Variants in NXPE2 observed in about 807,000 individuals in gnomAD.
The protein encoded by NXPE2 is neurexophilin and PC-esterase domain family member 2.
Under a neutral mutation model 34.4 loss-of-function variants are expected in NXPE2, and 34 were observed. The ratio of observed to expected loss-of-function variants is 0.99; its 90% confidence interval spans 0.75 to 1.31. The LOEUF (loss-of-function observed/expected upper bound fraction) is 1.31, where lower values mean the gene tolerates loss of function less well. Among genes scored for constraint, NXPE2 ranks in the 40% most tolerant of loss-of-function variants. The probability of loss-of-function intolerance (pLI) is 0.00; values close to 1 mark genes in which losing one functional copy is unlikely to be tolerated. For missense variants in NXPE2, 649 were observed against 672.5 expected (o/e 0.97, Z 0.39); for synonymous variants, 235 against 231.3 (o/e 1.02, Z -0.15).
At chr11:114,646,567 T>C in the NXPE2 span, among the ~76,000 whole-genome samples, 1 of 152,002 alleles carries the variant, frequency 6.6e-6, no homozygotes. Context: ...AAGTCAAATA[T>C]AGTTGCTATT....
intron 2 of NXPE2, among the ~76,000 whole-genome samples, chr11:114,684,478 G>A (rs1951007751): frequency 6.6e-6 from 1 of 152,096 alleles, no homozygotes. Context: ...GAATACAAAT[G>A]GCAGCTGAAG....
chr11:114,535,515 A>T, the NXPE2 span, among the ~76,000 whole-genome samples: 2 of 152,312 alleles, frequency 1.3e-5, no homozygotes, highest in South Asian at 4.1e-4. Flanking sequence ...AAGACCCATC[A>T]GTGTGCTGTA....
chr11:114,608,681 C>T, the NXPE2 span, among the ~76,000 whole-genome samples: 1 of 151,852 alleles, frequency 6.6e-6, no homozygotes, highest in Non-Finnish European at 1.5e-5. Flanking sequence ...ATAAGCATTG[C>T]CTCCCAGGTA....
chr11:114,472,461 A>G, the NXPE2 span, among the ~76,000 whole-genome samples: 1 of 152,224 alleles, frequency 6.6e-6, no homozygotes, highest in Non-Finnish European at 1.5e-5. Flanking sequence ...GTCCCATTCA[A>G]AGCCATCCTG....
At chr11:114,548,321 A>C in the NXPE2 span, among the ~76,000 whole-genome samples, 1 of 152,128 alleles carries the variant, frequency 6.6e-6, no homozygotes, top group African/African-American at 2.4e-5. Context: ...ATAAAGACAG[A>C]TCGTGTAGAT....
the NXPE2 span, among the ~76,000 whole-genome samples, chr11:114,778,339 C>T: frequency 3.3e-5 from 5 of 152,094 alleles, no homozygotes; most frequent in African/African-American, 1.2e-4. Flanking sequence ...GTAGTCCTTG[C>T]TAAGGAATCT....
chr11:114,487,803 A>T, the NXPE2 span, among the ~76,000 whole-genome samples: 1 of 150,446 alleles, frequency 6.6e-6, no homozygotes, highest in Non-Finnish European at 1.5e-5. Flanking sequence ...GATATGATAT[A>T]TCACATTGAT....
the NXPE2 span, among the ~76,000 whole-genome samples, chr11:114,806,626 C>T: frequency 1.4e-4 from 21 of 151,904 alleles, no homozygotes; most frequent in African/African-American, 4.4e-4. Flanking sequence ...TGAAATGAAG[C>T]GAGAAGAGAA....
the NXPE2 span, among the ~76,000 whole-genome samples, chr11:114,722,187 G>A: frequency 8.5e-5 from 13 of 152,142 alleles, no homozygotes; most frequent in Non-Finnish European, 1.9e-4. Context: ...TATCAAGGGA[G>A]GGACCTGATG....
At chr11:114,810,780 C>T in the NXPE2 span, among the ~76,000 whole-genome samples, 61 of 152,116 alleles carry the variant, frequency 4.0e-4, no homozygotes, top group African/African-American at 1.2e-3. Context: ...GTCAGTGTGG[C>T]GATTCCTCAG....
the NXPE2 span, among the ~76,000 whole-genome samples, chr11:114,562,963 A>G: frequency 6.6e-6 from 1 of 152,120 alleles, no homozygotes; most frequent in African/African-American, 2.4e-5. Context: ...TCTTTTCAGA[A>G]TTTATATTAA....
chr11:114,706,437 C>G lies in NXPE2; in HGVS notation c.1187C>G (p.Thr396Arg). The G allele has an allele frequency of 6.4e-7, 1 of 1,550,734 alleles. No homozygotes were observed. Among genetic ancestry groups the G allele is most frequent in the South Asian group, 1.2e-5 (1 of 83,908 alleles). Residue 396 changes from threonine (T) to arginine (R), a missense_variant, in exon 6 of 6, where the codon ACA becomes AGA. Coordinates refer to ENST00000389586, the MANE Select transcript of NXPE2 (RefSeq NM_182495.6). ...FDHHGAGIFK[T>R]HVLLDVERHI... The stretch of plus-strand genomic sequence containing the variant: ...CATCATGGAGCTGGGATCTTTAAAA[C>G]ACATGTTCTTCTGGATGTTGAAAGA...
the NXPE2 span, among the ~76,000 whole-genome samples, chr11:114,588,423 A>G: frequency 5.9e-5 from 9 of 152,196 alleles, no homozygotes; most frequent in Non-Finnish European, 1.3e-4. Flanking sequence ...CTAACCTCTC[A>G]TGGAGGGATG....
the NXPE2 span, among the ~76,000 whole-genome samples, chr11:114,784,920 G>T: frequency 6.6e-6 from 1 of 152,104 alleles, no homozygotes; most frequent in Non-Finnish European, 1.5e-5. Flanking sequence ...ATTGAAACCT[G>T]CAGTGAAAGT....
the NXPE2 span, among the ~76,000 whole-genome samples, chr11:114,772,293 A>T: frequency 2.6e-5 from 4 of 152,170 alleles, no homozygotes; most frequent in Admixed American, 2.6e-4. Context: ...TAATTAACAC[A>T]TTCGTGGTAA....
chr11:114,532,836 T>C, the NXPE2 span, among the ~76,000 whole-genome samples: 2 of 152,178 alleles, frequency 1.3e-5, no homozygotes, highest in Non-Finnish European at 2.9e-5. Flanking sequence ...AAAATGGTTC[T>C]AGAGTGAAAA....
the NXPE2 span, among the ~76,000 whole-genome samples, chr11:114,809,282 A>G: frequency 6.6e-6 from 1 of 152,010 alleles, no homozygotes; most frequent in South Asian, 2.1e-4. Flanking sequence ...GAAAACTGGC[A>G]CAAGACAGGG....
chr11:114,776,770 G>T, the NXPE2 span, among the ~76,000 whole-genome samples: 1 of 152,140 alleles, frequency 6.6e-6, no homozygotes, highest in Non-Finnish European at 1.5e-5. Flanking sequence ...TAGTATGTCT[G>T]CCCCGATTAT....
the NXPE2 span, among the ~76,000 whole-genome samples, chr11:114,602,727 C>T: frequency 7.0e-6 from 1 of 142,806 alleles, no homozygotes; most frequent in Non-Finnish European, 1.5e-5. Flanking sequence ...ATATAATTAT[C>T]TCATATATAA....
Sources: gnomAD v4.1 joint callset for allele counts (sites outside exome capture counted in the v4.1 genomes callset) on GRCh38, gnomAD v4.1.1 for gene constraint, MANE v1.5 for transcripts, NCBI Gene and HGNC (gene_info 2026-07-23, HGNC 2026-07-21) for gene names.